Variants in CNTNAP4 observed in about 807,000 individuals in gnomAD.
The protein encoded by CNTNAP4 is contactin associated protein family member 4.
A neutral mutation model predicts 148.4 loss-of-function variants in CNTNAP4; 98 were observed. That is an observed-to-expected ratio of 0.66 (90% CI 0.56 to 0.78). CNTNAP4 has a LOEUF of 0.78. CNTNAP4 is among the 30% of genes least tolerant of loss of function. The pLI is 0.00. For missense variants in CNTNAP4, 1,935 were observed against 1,565.6 expected, an observed-to-expected ratio of 1.24 and a Z score of -3.98; for synonymous variants, 730 against 565.1, an observed-to-expected ratio of 1.29 and a Z score of -4.14.
intron 3 of CNTNAP4, among the ~76,000 whole-genome samples, chr16:76,355,811 G>A (rs58234937): frequency 0.13 from 19,822 of 151,094 alleles, 2,008 homozygotes; most frequent in East Asian, 0.48. Flanking sequence ...AAAAAGTTTT[G>A]TTCAAAAACA....
At chr16:76,369,224 A>C (rs1011287735) in intron 3 of CNTNAP4, among the ~76,000 whole-genome samples, 2 of 152,220 alleles carry the variant, frequency 1.3e-5, no homozygotes, top group African/African-American at 4.8e-5. Context: ...TGTGTGCAAT[A>C]TAACAAAATA....
chr16:76,429,554 G>C (rs573434168), intron 4 of CNTNAP4, among the ~76,000 whole-genome samples: 1 of 152,218 alleles, frequency 6.6e-6, no homozygotes, highest in South Asian at 2.1e-4. Flanking sequence ...TTAAACCTAG[G>C]ATATAAACTC....
intron 9 of CNTNAP4, among the ~76,000 whole-genome samples, chr16:76,465,754 T>G (rs1268142832): frequency 1.3e-5 from 2 of 152,202 alleles, no homozygotes; most frequent in Non-Finnish European, 2.9e-5. Flanking sequence ...TGTAGTACCA[T>G]GTACAATAAA....
intron 23 of CNTNAP4, chr16:76,557,618 A>G (rs1049904150): frequency 6.6e-6 from 1 of 152,122 alleles, no homozygotes; most frequent in African/African-American, 2.4e-5. Context: ...TGGCAGTGTA[A>G]TGTTTTCTAC....
At chr16:76,373,271 A>AAATATATTCCACATATATATGTGG (rs1348618053) in intron 3 of CNTNAP4, among the ~76,000 whole-genome samples, 1 of 146,294 alleles carries the variant, frequency 6.8e-6, no homozygotes, top group African/African-American at 2.7e-5. Context: ...TATATATGTG[A>AAATATATTCCACATATATATGTGG]AATATATTCC....
chr16:76,525,770 A>G (rs2083703551), intron 17 of CNTNAP4, among the ~76,000 whole-genome samples: 1 of 147,364 alleles, frequency 6.8e-6, no homozygotes, highest in South Asian at 2.1e-4. Context: ...TATAAACAGT[A>G]TAAGCTATAT....
intron 1 of CNTNAP4, among the ~76,000 whole-genome samples, chr16:76,315,749 C>G (rs1961664826): frequency 6.6e-6 from 1 of 152,060 alleles, no homozygotes; most frequent in African/African-American, 2.4e-5. Context: ...CGTGTGCCAC[C>G]ACACCCTGCT....
At chr16:76,475,883 A>G (rs916621734) in intron 10 of CNTNAP4, 56 bp from the exon 11 acceptor site, 2 of 1,226,016 alleles carry the variant, frequency 1.6e-6, no homozygotes, top group Non-Finnish European at 2.4e-6. Context: ...TAAATGGTCA[A>G]TACTTTAAGA....
intron 17 of CNTNAP4, among the ~76,000 whole-genome samples, chr16:76,528,016 C>G (rs2083814211): frequency 6.6e-6 from 1 of 151,968 alleles, no homozygotes; most frequent in South Asian, 2.1e-4. Context: ...TCTTGGTAAA[C>G]AAATTTGGTA....
intron 18 of CNTNAP4, among the ~76,000 whole-genome samples, chr16:76,536,720 G>A (rs2084230510): frequency 6.6e-6 from 1 of 152,022 alleles, no homozygotes; most frequent in Non-Finnish European, 1.5e-5. Flanking sequence ...ATACTTTTCA[G>A]CTTCTCTCAT....
At chr16:76,550,400 A>T (rs898831963) in intron 21 of CNTNAP4, among the ~76,000 whole-genome samples, 2 of 152,200 alleles carry the variant, frequency 1.3e-5, no homozygotes, top group Non-Finnish European at 2.9e-5. Context: ...TTTAGCGGTC[A>T]TTGGTTTTTG....
chr16:76,520,161 C>T (rs2083400691), intron 15 of CNTNAP4, among the ~76,000 whole-genome samples: 1 of 152,170 alleles, frequency 6.6e-6, no homozygotes, highest in Admixed American at 6.5e-5. Context: ...AGAGAACTTG[C>T]TAGTGGCAGC....
chr16:76,471,335 G>A (rs901421442), intron 10 of CNTNAP4, among the ~76,000 whole-genome samples: 1 of 152,198 alleles, frequency 6.6e-6, no homozygotes, highest in African/African-American at 2.4e-5. Context: ...AAGTTGCTTG[G>A]ACGTAAAACA....
In CNTNAP4 at chr16:76,540,711, T is replaced by C. The variant is rs1019924027; in HGVS notation, c.3363T>C (p.Asp1121=). The change falls in exon 21 of 24, where the codon GAT becomes GAC. Residue 1121 remains aspartate (D), a synonymous_variant. Coordinates refer to ENST00000611870, the MANE Select transcript of CNTNAP4 (RefSeq NM_033401.5). Reference sequence around the variant, plus strand: ...GTGTAATAATTTTGTAGATTGACGATAATAGAAGGAGACAAGTTCACCTGT... The same window carrying C: ...GTGTAATAATTTTGTAGATTGACGACAATAGAAGGAGACAAGTTCACCTGT... The part of the protein sequence containing the change: ...EEGVVFIEID[D]NRRRQVHLSS... 3 of 1,565,428 alleles carry C rather than the reference T, an allele frequency of 1.9e-6. No individual in the cohort carries two copies. Among genetic ancestry groups the C allele is most frequent in the African/African-American group, 2.7e-5 (2 of 74,022 alleles).
intron 3 of CNTNAP4, among the ~76,000 whole-genome samples, chr16:76,405,931 G>T (rs999940157): frequency 4.0e-5 from 6 of 151,892 alleles, no homozygotes; most frequent in Admixed American, 6.6e-5. Context: ...AAGCCATTAA[G>T]TTGGGCCAGG....
chr16:76,297,910 C>T (rs1466382982), intron 1 of CNTNAP4, among the ~76,000 whole-genome samples: 1 of 152,142 alleles, frequency 6.6e-6, no homozygotes, highest in Non-Finnish European at 1.5e-5. Context: ...ATAGTCTCTG[C>T]TTCTCCTTTT....
intron 13 of CNTNAP4, 68 bp from the exon 14 acceptor site, chr16:76,494,842 G>C: frequency 1.4e-6 from 2 of 1,439,762 alleles, no homozygotes; most frequent in South Asian, 2.6e-5. Flanking sequence ...GGAAGAAAAG[G>C]AATTATATTG....
At chr16:76,383,757 A>C (rs1447094207) in intron 3 of CNTNAP4, among the ~76,000 whole-genome samples, 4 of 152,172 alleles carry the variant, frequency 2.6e-5, no homozygotes, top group Non-Finnish European at 5.9e-5. Flanking sequence ...TTTACGCATG[A>C]AATAATATGA....
At chr16:76,385,547 A>AGTGT (rs3035895) in intron 3 of CNTNAP4, among the ~76,000 whole-genome samples, 6,193 of 148,928 alleles carry the variant, frequency 0.042, 340 homozygotes, top group African/African-American at 0.13. Context: ...TTTAATTAGA[A>AGTGT]GTGTGTGTGT....
Sources: allele counts gnomAD v4.1 joint callset (sites outside exome capture counted in the v4.1 genomes callset), GRCh38; gene constraint gnomAD v4.1.1; transcripts MANE v1.5; gene names NCBI Gene and HGNC (gene_info 2026-07-23, HGNC 2026-07-21).